The following PDE8B variants were observed in gnomAD, a reference collection of about 807,000 sequenced individuals.
PDE8B encodes high affinity cAMP-specific and IBMX-insensitive 3',5'-cyclic phosphodiesterase 8B.
A neutral mutation model predicts 101.3 loss-of-function variants in PDE8B; 26 were observed. That is an observed-to-expected ratio of 0.26 (90% confidence interval 0.19 to 0.36). The LOEUF (loss-of-function observed/expected upper bound fraction) is 0.36, where lower values mean the gene tolerates loss of function less well. PDE8B is among the 10% of genes least tolerant of loss of function. The pLI, the probability that PDE8B is intolerant of heterozygous loss-of-function variation, is 1.00. For synonymous variants in PDE8B, 424 were observed against 429.3 expected (o/e 0.99, Z 0.15); for missense variants, 810 against 1,163.1 (o/e 0.70, Z 4.42).
intron 20 of PDE8B, among the ~76,000 whole-genome samples, chr5:77,425,166 ATTG>A (rs1797757944): frequency 6.6e-6 from 1 of 152,260 alleles, no homozygotes; most frequent in Admixed American, 6.5e-5. Flanking sequence ...TTTGTATGAC[ATTG>A]AACAGAGCTT....
chr5:77,327,172 C>T lies in PDE8B; in HGVS notation c.590+1443C>T, dbSNP rs145390787. Among the ~76,000 whole-genome samples, 776 of 152,270 alleles carry T rather than the reference C, an allele frequency of 5.1e-3. 4 individuals carry two copies. Among genetic ancestry groups the T allele is most frequent in the South Asian group, 0.021 (101 of 4,818 alleles). On this transcript the variant is annotated intron_variant, in intron 3 of 21. Coordinates refer to ENST00000264917, the MANE Select transcript of PDE8B (RefSeq NM_003719.5). ...TGGGGAGATGGGTGGGTGACACGCTCCTGGCAGATGTGCATTCTTTGTTGT... is the reference window on the plus strand; with the variant it reads ...TGGGGAGATGGGTGGGTGACACGCTTCTGGCAGATGTGCATTCTTTGTTGT...
At chr5:77,338,503 C>G (rs895169533) in intron 6 of PDE8B, among the ~76,000 whole-genome samples, 2 of 152,142 alleles carry the variant, frequency 1.3e-5, no homozygotes, top group Admixed American at 6.5e-5. Context: ...TTTAACAGCC[C>G]TTGGTAAGAA....
chr5:77,222,517 G>A (rs1378383310), intron 1 of PDE8B, among the ~76,000 whole-genome samples: 5 of 152,154 alleles, frequency 3.3e-5, no homozygotes, highest in African/African-American at 1.2e-4. Context: ...AGTTACTCAG[G>A]AGGCTGAGAC....
chr5:77,246,710 T>G (rs183438393), intron 1 of PDE8B: 59 of 152,350 alleles, frequency 3.9e-4, no homozygotes, highest in African/African-American at 1.3e-3. Context: ...AAATATTTAC[T>G]GTCTGGGGCC....
At chr5:77,420,584 A>G (rs1796435831) in intron 19 of PDE8B, among the ~76,000 whole-genome samples, 1 of 152,060 alleles carries the variant, frequency 6.6e-6, no homozygotes, top group Admixed American at 6.6e-5. Context: ...ATCATGAGTA[A>G]CTTGCTCAGT....
At chr5:77,179,861 G>C in the PDE8B span, among the ~76,000 whole-genome samples, 1 of 152,150 alleles carries the variant, frequency 6.6e-6, no homozygotes, top group African/African-American at 2.4e-5. Context: ...GCGCCCAGGA[G>C]ATGTTATTTT....
chr5:77,186,924 G>A, the PDE8B span, among the ~76,000 whole-genome samples: 3 of 152,174 alleles, frequency 2.0e-5, no homozygotes, highest in Admixed American at 6.5e-5. Context: ...AATAAAGGCA[G>A]TGATAGATTA....
chr5:77,322,831 A>G (rs1775341409), intron 2 of PDE8B, among the ~76,000 whole-genome samples: 1 of 149,376 alleles, frequency 6.7e-6, no homozygotes. Flanking sequence ...CTCTACCACT[A>G]CAATGCAAAG....
At chr5:77,156,241 A>G in the PDE8B span, among the ~76,000 whole-genome samples, 2 of 152,180 alleles carry the variant, frequency 1.3e-5, no homozygotes, top group African/African-American at 4.8e-5. Context: ...AGCTATGGGA[A>G]GGTAGAAGGC....
chr5:77,313,182 A>G (rs1252828646), intron 2 of PDE8B, among the ~76,000 whole-genome samples: 4 of 152,216 alleles, frequency 2.6e-5, no homozygotes, highest in African/African-American at 7.2e-5. Flanking sequence ...CAACCAACAT[A>G]TAGATGAAAG....
chr5:77,380,651 A>G (rs1243141749), intron 10 of PDE8B, among the ~76,000 whole-genome samples: 3 of 152,260 alleles, frequency 2.0e-5, no homozygotes, highest in Admixed American at 1.3e-4. Context: ...TTCATTTTAT[A>G]TTAGCTTTTA....
chr5:77,305,823 G>T (rs1310640477), intron 1 of PDE8B, among the ~76,000 whole-genome samples: 1 of 152,202 alleles, frequency 6.6e-6, no homozygotes, highest in African/African-American at 2.4e-5. Flanking sequence ...ATTTAAAAGT[G>T]CCTATTTCTG....
chr5:77,129,850 C>T, the PDE8B span, among the ~76,000 whole-genome samples: 12 of 152,166 alleles, frequency 7.9e-5, no homozygotes, highest in African/African-American at 2.7e-4. Context: ...ACATTTCCAT[C>T]AGTCTAGGCT....
chr5:77,339,816 C>T (rs1211411007), intron 6 of PDE8B, among the ~76,000 whole-genome samples: 2 of 152,268 alleles, frequency 1.3e-5, no homozygotes, highest in Non-Finnish European at 2.9e-5. Context: ...GGTCCCATGT[C>T]AGGTGACCAT....
the PDE8B span, among the ~76,000 whole-genome samples, chr5:77,197,440 G>A: frequency 6.6e-6 from 1 of 151,562 alleles, no homozygotes; most frequent in African/African-American, 2.4e-5. Context: ...TATTGCATTT[G>A]TCTATTGTTT....
At chr5:77,337,366 T>A (rs1581119342) in intron 6 of PDE8B, 51 bp downstream of exon 6, 2 of 935,478 alleles carry the variant, frequency 2.1e-6, no homozygotes, top group East Asian at 4.9e-5. Flanking sequence ...CTTTAGAAAA[T>A]CTTATCTGTC....
At chr5:77,249,113 A>G (rs1236674244) in intron 1 of PDE8B, among the ~76,000 whole-genome samples, 1 of 152,236 alleles carries the variant, frequency 6.6e-6, no homozygotes, top group Non-Finnish European at 1.5e-5. Context: ...TAATCCATTT[A>G]TATAACCAAT....
the PDE8B span, among the ~76,000 whole-genome samples, chr5:77,195,109 A>G: frequency 2.6e-5 from 4 of 152,220 alleles, no homozygotes; most frequent in African/African-American, 7.2e-5. Context: ...ATTTTCTCTC[A>G]GTTCAGGAGG....
the PDE8B span, chr5:77,131,066 T>C: frequency 6.6e-6 from 1 of 152,418 alleles, no homozygotes; most frequent in Non-Finnish European, 1.5e-5. Context: ...CCTTGTGCCT[T>C]CGATTCCCTG....
Sources: gnomAD v4.1 joint callset for allele counts (sites outside exome capture counted in the v4.1 genomes callset) on GRCh38, gnomAD v4.1.1 for gene constraint, MANE v1.5 for transcripts, NCBI Gene and HGNC (gene_info 2026-07-23, HGNC 2026-07-21) for gene names.